The following CLCN3 variants were observed in gnomAD, a reference collection of about 807,000 sequenced individuals.
CLCN3 encodes H(+)/Cl(-) exchange transporter 3.
A neutral mutation model predicts 83.4 loss-of-function variants in CLCN3; 16 were observed. That is an observed-to-expected ratio of 0.19 (90% CI 0.13 to 0.29). The LOEUF is 0.29. Among genes scored for constraint, CLCN3 ranks in the 10% least tolerant of loss-of-function variants. The probability of loss-of-function intolerance (pLI) is 1.00; values close to 1 mark genes in which losing one functional copy is unlikely to be tolerated. For synonymous variants in CLCN3, 322 were observed against 346.2 expected (o/e 0.93, Z 0.78); for missense variants, 544 against 1,006.0 (o/e 0.54, Z 6.21).
intron 2 of CLCN3, among the ~76,000 whole-genome samples, chr4:169,677,060 A>G (rs1331192636): frequency 1.3e-5 from 2 of 152,052 alleles, no homozygotes; most frequent in African/African-American, 4.8e-5. Flanking sequence ...TATAGGTAAC[A>G]TGACTAGAAT....
At chr4:169,645,169 T>A (rs1730538461) in intron 2 of CLCN3, among the ~76,000 whole-genome samples, 1 of 152,208 alleles carries the variant, frequency 6.6e-6, no homozygotes, top group Non-Finnish European at 1.5e-5. Context: ...CTGAGAAAGA[T>A]TTTTGGGGTC....
chr4:169,687,160 A>T (rs976426964), intron 3 of CLCN3, among the ~76,000 whole-genome samples: 1 of 152,232 alleles, frequency 6.6e-6, no homozygotes, highest in Non-Finnish European at 1.5e-5. Context: ...TGTCTTACAG[A>T]AGACATATAT....
intron 2 of CLCN3, among the ~76,000 whole-genome samples, chr4:169,643,822 CAGT>C (rs1236486619): frequency 1.3e-5 from 2 of 152,202 alleles, no homozygotes; most frequent in Non-Finnish European, 2.9e-5. Context: ...GTCTGGCTCA[CAGT>C]GGTGAATACA....
At chr4:169,634,165 G>C (rs1461026341) in intron 1 of CLCN3, among the ~76,000 whole-genome samples, 1 of 152,044 alleles carries the variant, frequency 6.6e-6, no homozygotes, top group African/African-American at 2.4e-5. Flanking sequence ...AGACTTTTAG[G>C]GATAAAATGG....
intron 11 of CLCN3, among the ~76,000 whole-genome samples, chr4:169,708,940 A>G (rs1451526740): frequency 6.7e-6 from 1 of 148,752 alleles, no homozygotes; most frequent in Non-Finnish European, 1.5e-5. Context: ...AGTTTTATAT[A>G]TATATATAAA....
chr4:169,683,728 ATTG>A (rs1732039136), intron 3 of CLCN3, among the ~76,000 whole-genome samples: 1 of 150,704 alleles, frequency 6.6e-6, no homozygotes, highest in Non-Finnish European at 1.5e-5. Context: ...TATACTTACT[ATTG>A]TTCTTAAAAT....
chr4:169,657,699 G>A (rs1476252224), intron 2 of CLCN3, among the ~76,000 whole-genome samples: 4 of 152,192 alleles, frequency 2.6e-5, no homozygotes, highest in South Asian at 4.1e-4. Context: ...GGGTGCGTTC[G>A]AAAGTAAAAA....
At chr4:169,674,981 A>G (rs1451027007) in intron 2 of CLCN3, among the ~76,000 whole-genome samples, 14 of 152,138 alleles carry the variant, frequency 9.2e-5, no homozygotes, top group Admixed American at 6.5e-5. Flanking sequence ...CGCTCAATCT[A>G]TCCGTCCTCC....
chr4:169,690,137 C>CTT (rs397769904), intron 5 of CLCN3, among the ~76,000 whole-genome samples: 6,847 of 110,124 alleles, frequency 0.062, 640 homozygotes, highest in African/African-American at 0.15. Context: ...TCTTTTCTTT[C>CTT]TTTTTTTTTT....
rs143348688 is a variant in CLCN3, at chr4:169,653,280, TATAG to T, written c.160+17197_160+17200del. 4.7e-3 allele frequency among the ~76,000 whole-genome samples: 715 copies of T among 152,184 alleles called. 4 individuals carry two copies. Among genetic ancestry groups the T allele is most frequent in the African/African-American group, 0.017 (693 of 41,530 alleles). On this transcript the variant is annotated intron_variant, in intron 2 of 12. Coordinates refer to ENST00000513761, the MANE Select transcript of CLCN3 (RefSeq NM_001829.4). ...TTAGAGTGTATTCATTTTTTTCTCA[TATAG>T]ATAGTGTGTTAGTCTGTTTTGCATT...
intron 10 of CLCN3, among the ~76,000 whole-genome samples, chr4:169,706,293 C>T (rs373853040): frequency 9.1e-4 from 138 of 152,130 alleles, no homozygotes; most frequent in African/African-American, 3.1e-3. Context: ...CCTTGGCCTC[C>T]CAAAGTGATT....
intron 12 of CLCN3, among the ~76,000 whole-genome samples, chr4:169,716,267 T>C (rs1733418986): frequency 6.6e-6 from 1 of 152,216 alleles, no homozygotes; most frequent in Admixed American, 6.5e-5. Context: ...TTTTACTTTA[T>C]AAATACAGAG....
At chr4:169,690,733 T>C in intron 6 of CLCN3, 81 bp downstream of exon 6, 1 of 1,357,224 alleles carries the variant, frequency 7.4e-7, no homozygotes, top group Admixed American at 2.4e-5. Context: ...AAAGTTGGCT[T>C]TTCTGGAGGG....
chr4:169,639,663 A>C (rs1026304111), intron 2 of CLCN3, among the ~76,000 whole-genome samples: 1 of 152,204 alleles, frequency 6.6e-6, no homozygotes, highest in African/African-American at 2.4e-5. Flanking sequence ...GTCTTGGAAG[A>C]AGTTGGAGCC....
intron 2 of CLCN3, among the ~76,000 whole-genome samples, chr4:169,637,276 C>T (rs1730242046): frequency 7.7e-6 from 1 of 129,732 alleles, no homozygotes; most frequent in African/African-American, 2.5e-5. Context: ...TATCTTCTCT[C>T]ATTCTGTGGT....
chr4:169,697,818 A>G (rs1338506529), intron 9 of CLCN3, 84 bp downstream of exon 9: 2 of 865,780 alleles, frequency 2.3e-6, no homozygotes, highest in African/African-American at 3.4e-5. Context: ...GTTGTTTCAT[A>G]AATGACTGAA....
At chr4:169,661,885 AAGGT>A (rs1173532774) in intron 2 of CLCN3, among the ~76,000 whole-genome samples, 6 of 152,138 alleles carry the variant, frequency 3.9e-5, no homozygotes, top group Admixed American at 6.5e-5. Context: ...AACAGGAAGC[AAGGT>A]GAATGAATAG....
intron 2 of CLCN3, among the ~76,000 whole-genome samples, chr4:169,661,087 T>C (rs1012686085): frequency 6.6e-6 from 1 of 152,184 alleles, no homozygotes; most frequent in African/African-American, 2.4e-5. Context: ...AAAATAATAT[T>C]GGTTTGTGAA....
chr4:169,631,799 C>T (rs1773378344), intron 1 of CLCN3, among the ~76,000 whole-genome samples: 1 of 152,162 alleles, frequency 6.6e-6, no homozygotes, highest in Admixed American at 6.5e-5. Context: ...ATGAACACAT[C>T]TGTAAACACG....
Sources: gnomAD v4.1 joint callset for allele counts (sites outside exome capture counted in the v4.1 genomes callset) on GRCh38, gnomAD v4.1.1 for gene constraint, MANE v1.5 for transcripts, NCBI Gene and HGNC (gene_info 2026-07-23, HGNC 2026-07-21) for gene names.